TMEM68: variants seen among roughly 807,000 people sequenced by gnomAD.
The protein encoded by TMEM68 is transmembrane protein 68, also known as DGAT1/2-independent enzyme synthesizing storage lipids.
Under a neutral mutation model 36.9 loss-of-function variants are expected in TMEM68, and 25 were observed. The observed-to-expected ratio is 0.68, with a 90% CI of 0.49 to 0.95. The LOEUF is 0.95. TMEM68 is among the 40% of genes least tolerant of loss of function. The probability of loss-of-function intolerance (pLI) is 0.00; values close to 1 mark genes in which losing one functional copy is unlikely to be tolerated. For synonymous variants in TMEM68, 131 were observed against 124.4 expected (o/e 1.05, Z -0.35); for missense variants, 333 against 392.0 (o/e 0.85, Z 1.27).
Position 55,754,080 on chromosome 8 carries a change from G to C in TMEM68, c.493+2164C>G, listed in dbSNP as rs537869911. Among the ~76,000 whole-genome samples the C allele has an allele frequency of 5.3e-5, 8 of 152,010 alleles. No homozygotes were observed. In the South Asian group the frequency reaches 1.7e-3, roughly 32 times the overall value. The stretch of plus-strand genomic sequence containing the variant: ...GCACTCCAGCCTGGACAACAAGAGC[G>C]AGATTCCTTCTCAAAATGAATAAAT... On this transcript the variant is annotated intron_variant, in intron 4 of 7. Coordinates refer to ENST00000434581, the MANE Select transcript of TMEM68 (RefSeq NM_001286657.2).
In TMEM68 at chr8:55,739,968, C is replaced by G; in HGVS notation, c.*164G>C. 1.8e-6 allele frequency: 1 copy of G among 540,624 alleles called. No individual in the cohort carries two copies. The highest frequency in any genetic ancestry group is 3.2e-6 in the Non-Finnish European group (1 of 316,546). 33.5% of individuals were successfully genotyped at this position (540,624 alleles called of 1,614,324 possible). On this transcript the variant is annotated 3_prime_UTR_variant, in exon 8 of 8. Transcript: ENST00000434581. ...TTAGTATTTGACACAATTGCAAAAA[C>G]AAAATTGACTATTTTAAAGAAACGA...
chr8:55,744,183 T>C (rs2129910668), intron 6 of TMEM68, among the ~76,000 whole-genome samples: 1 of 150,298 alleles, frequency 6.7e-6, no homozygotes, highest in Non-Finnish European at 1.5e-5. Flanking sequence ...CAAAATAATA[T>C]TATGAATTAG....
intron 1 of TMEM68, among the ~76,000 whole-genome samples, chr8:55,770,887 GGCTC>G (rs1811133748): frequency 6.6e-6 from 1 of 152,150 alleles, no homozygotes; most frequent in African/African-American, 2.4e-5. Flanking sequence ...CACGCGCGGT[GGCTC>G]ATGCCTGTAA....
chr8:55,751,025 G>C lies in TMEM68; in HGVS notation c.626C>G (p.Thr209Ser), dbSNP rs1268960026. The C allele has an allele frequency of 1.2e-6, 2 of 1,613,892 alleles. No homozygotes were observed. The highest frequency in any genetic ancestry group is 2.7e-5 in the African/African-American group (2 of 74,886). Reference protein sequence around the residue: ...GVREALISDETYNIVWGHRRG... With the variant: ...GVREALISDESYNIVWGHRRG... ...GCGATGACCCCATACGATGTTATAA[G>C]TTTCATCACTAATTAGGGCTTCTCG... Residue 209 changes from threonine to serine, a missense_variant, in exon 5 of 8, where the codon ACT (threonine) becomes AGT (serine). Transcript: ENST00000434581.
At chr8:55,764,590 T>TGG (rs1810906275) in intron 1 of TMEM68, among the ~76,000 whole-genome samples, 1 of 152,230 alleles carries the variant, frequency 6.6e-6, no homozygotes, top group Non-Finnish European at 1.5e-5. Context: ...TCTTGCTAAC[T>TGG]GGCTTATTAG....
chr8:55,745,940 T>A (rs1382388177), intron 5 of TMEM68: 1 of 151,966 alleles, frequency 6.6e-6, no homozygotes, highest in Non-Finnish European at 1.5e-5. Flanking sequence ...TTTTTGTGAG[T>A]CTATTAAATC....
At chr8:55,767,898 T>C (rs1811023246) in intron 1 of TMEM68, among the ~76,000 whole-genome samples, 1 of 152,008 alleles carries the variant, frequency 6.6e-6, no homozygotes, top group Non-Finnish European at 1.5e-5. Context: ...ATCATGCCAC[T>C]GCACTCCAGC....
intron 4 of TMEM68, among the ~76,000 whole-genome samples, chr8:55,752,034 C>A (rs1200828746): frequency 6.6e-6 from 1 of 151,976 alleles, no homozygotes; most frequent in African/African-American, 2.4e-5. Context: ...TGTGGTGAAA[C>A]CCTGCCTCTA....
chr8:55,772,995 G>C (rs1184555271), intron 1 of TMEM68: 1 of 152,530 alleles, frequency 6.6e-6, no homozygotes, highest in Non-Finnish European at 1.5e-5. Flanking sequence ...AGAGCGCCAG[G>C]GGAGAAGAGG....
intron 3 of TMEM68, among the ~76,000 whole-genome samples, chr8:55,757,269 C>T (rs889552553): frequency 2.6e-5 from 4 of 152,038 alleles, no homozygotes; most frequent in African/African-American, 9.7e-5. Context: ...GGTGATAAAC[C>T]CCTCTAAGGA....
At position 55,740,170 on chromosome 8, in the gene TMEM68, C is replaced by G; in HGVS notation, c.937G>C (p.Gly313Arg). 1 of 1,613,322 alleles carries G rather than the reference C, an allele frequency of 6.2e-7. No individual in the cohort carries two copies. The highest frequency in any genetic ancestry group is 8.5e-7 in the Non-Finnish European group (1 of 1,179,826). ...ALIDKHQRIP[G>R]NIMSALLERF... ...TCTAACAAAGCACTCATAATGTTTC[C>G]TGGTATTCTTTGGTGCTTATCAATC... Residue 313 changes from glycine (G) to arginine (R), a missense_variant, in exon 8 of 8, where the codon GGA (glycine) becomes CGA (arginine). By Grantham distance (125) the Gly-to-Arg change is moderately radical. Coordinates refer to ENST00000434581, the MANE Select transcript of TMEM68 (RefSeq NM_001286657.2).
chr8:55,767,162 T>C (rs1056888543), intron 1 of TMEM68, among the ~76,000 whole-genome samples: 5 of 144,524 alleles, frequency 3.5e-5, no homozygotes, highest in African/African-American at 1.3e-4. Flanking sequence ...AAAATAAAAA[T>C]AGCATCTACC....
chr8:55,767,991 G>T (rs973104716), intron 1 of TMEM68, among the ~76,000 whole-genome samples: 6 of 152,142 alleles, frequency 3.9e-5, no homozygotes, highest in Admixed American at 3.3e-4. Context: ...CATTTTAGAA[G>T]TTGGGAAGAC....
At chr8:55,769,692 G>A (rs191988281) in intron 1 of TMEM68, among the ~76,000 whole-genome samples, 1 of 152,100 alleles carries the variant, frequency 6.6e-6, no homozygotes, top group East Asian at 1.9e-4. Flanking sequence ...GACTGCAGTG[G>A]CTCGATTTCA....
At chr8:55,770,494 T>C (rs936488388) in intron 1 of TMEM68, among the ~76,000 whole-genome samples, 1 of 152,048 alleles carries the variant, frequency 6.6e-6, no homozygotes, top group Non-Finnish European at 1.5e-5. Context: ...GGGGGCAACA[T>C]ACTGAGACCT....
chr8:55,743,553 C>T lies in TMEM68; in HGVS notation c.816G>A (p.Val272=), dbSNP rs1295312174. The T allele has an allele frequency of 6.5e-7, 1 of 1,535,958 alleles. No homozygotes were observed. The highest frequency in any genetic ancestry group is 2.0e-5 in the Admixed American group (1 of 50,990). Residue 272 remains valine (V), a synonymous_variant, in exon 7 of 8, where the codon GTG becomes GTA. Coordinates refer to ENST00000434581, the MANE Select transcript of TMEM68 (RefSeq NM_001286657.2). ...GGTCGCCTAAATAGGTCCGTAACTT[C>T]ACTGGAAAACCTCCATACATTGGAG... ...PFAPMYGGFP[V]KLRTYLGDPI...
intron 4 of TMEM68, among the ~76,000 whole-genome samples, chr8:55,752,015 C>G (rs1018213355): frequency 2.6e-5 from 4 of 152,110 alleles, no homozygotes; most frequent in Non-Finnish European, 5.9e-5. Context: ...TCAAGACCAG[C>G]CTGGCCAATG....
chr8:55,769,587 G>C (rs1701806199), intron 1 of TMEM68, among the ~76,000 whole-genome samples: 1 of 151,992 alleles, frequency 6.6e-6, no homozygotes. Flanking sequence ...GCACATAGTA[G>C]GCACCTAACA....
At chr8:55,746,928 T>A (rs1810297342) in intron 5 of TMEM68, 1 of 152,170 alleles carries the variant, frequency 6.6e-6, no homozygotes, top group Admixed American at 6.5e-5. Context: ...GATGGAGGAA[T>A]TAAACAAACA....
Sources: gnomAD v4.1 joint callset for allele counts (sites outside exome capture counted in the v4.1 genomes callset) on GRCh38, gnomAD v4.1.1 for gene constraint, MANE v1.5 for transcripts, NCBI Gene and HGNC (gene_info 2026-07-23, HGNC 2026-07-21) for gene names.